ITGA1: variants seen among roughly 807,000 people sequenced by gnomAD.
The protein encoded by ITGA1 is integrin subunit alpha 1, also known as integrin alpha-1.
ITGA1 carries 85 observed loss-of-function variants against 145.9 expected under a neutral mutation model. The ratio of observed to expected loss-of-function variants is 0.58; its 90% confidence interval spans 0.49 to 0.70. The LOEUF (loss-of-function observed/expected upper bound fraction) is 0.70. ITGA1 is among the 30% of genes least tolerant of loss of function. ITGA1 has a pLI of 0.00. For missense variants in ITGA1, 1,351 were observed against 1,418.7 expected (o/e 0.95, Z 0.77); for synonymous variants, 520 against 495.3 (o/e 1.05, Z -0.66).
At chr5:52,801,778 C>CTCCG in intron 1 of ITGA1, 1 of 1,613,986 alleles carries the variant, frequency 6.2e-7, no homozygotes, top group South Asian at 1.1e-5. Flanking sequence ...AGCTGCCATT[C>CTCCG]TCCGCTTCCC....
At position 52,861,570 on chromosome 5, in the gene ITGA1, T is replaced by C. The variant is rs1271020313; in HGVS notation, c.295+11T>C. 6.4e-7 allele frequency: 1 copy of C among 1,574,390 alleles called. No homozygotes were observed. The highest frequency in any genetic ancestry group is 1.4e-5 in the African/African-American group (1 of 73,974). ...AGTTGGATCTACCAGGTATGTAAAA[T>C]TAAAAAAATCTGGTTTTAGGCCAGG... is the stretch of plus-strand genomic sequence containing the variant. On this transcript the variant is annotated intron_variant, in intron 3 of 28. Coordinates refer to ENST00000282588, the MANE Select transcript of ITGA1 (RefSeq NM_181501.2).
In ITGA1 at chr5:52,925,578, T is replaced by C. The variant is rs1401252338; in HGVS notation, c.2613+91T>C. On this transcript the variant is annotated intron_variant, in intron 19 of 28. Transcript: ENST00000282588. ...ACTGAGATAATTGCTTTTATTAGAT[T>C]GATTTTGAAAGAATAGAAGGAATTT... 34 of 965,948 alleles carry C rather than the reference T, an allele frequency of 3.5e-5. No homozygotes were observed. The South Asian group carries it at 4.7e-4, about 13-fold the overall frequency. The allele number at this position is 965,948 out of a possible 1,614,324, so 59.8% of individuals were successfully genotyped here.
Position 52,910,430 on chromosome 5 carries a change from A to G in ITGA1, c.1857+11A>G. The G allele has an allele frequency of 6.2e-7, 1 of 1,606,626 alleles. No homozygotes were observed. The highest frequency in any genetic ancestry group is 8.5e-7 in the Non-Finnish European group (1 of 1,173,900). On this transcript the variant is annotated intron_variant, in intron 14 of 28. Coordinates refer to ENST00000282588, the MANE Select transcript of ITGA1 (RefSeq NM_181501.2). ...AAAGAGTATGCACAAGTAAGAATTGAAACCTACAGATTCCCACCCTTCAGT... is the reference window on the plus strand; with the variant it reads ...AAAGAGTATGCACAAGTAAGAATTGGAACCTACAGATTCCCACCCTTCAGT...
intron 22 of ITGA1, chr5:52,932,694 C>T (rs1750910333): frequency 6.6e-6 from 1 of 152,150 alleles, no homozygotes; most frequent in Admixed American, 6.6e-5. Context: ...AAGCAGAACT[C>T]CAAGCTTTTG....
In ITGA1 at chr5:52,945,310, T is replaced by C. The variant is rs1017118363; in HGVS notation, c.3378+275T>C. 1.7e-4 allele frequency among the ~76,000 whole-genome samples: 26 copies of C among 152,212 alleles called. 1 individual carries two copies. Among genetic ancestry groups the C allele is most frequent in the Admixed American group, 1.5e-3 (23 of 15,278 alleles). ...TATCACGGTAAATGGATGTTTTTAC[T>C]TTCACTTTGATAACAAATGATGCAG... On this transcript the variant is annotated intron_variant, in intron 27 of 28. Transcript: ENST00000282588.
At chr5:52,807,359 A>C (rs1227397339) in intron 1 of ITGA1, among the ~76,000 whole-genome samples, 2 of 152,136 alleles carry the variant, frequency 1.3e-5, no homozygotes, top group Admixed American at 1.3e-4. Flanking sequence ...TTTAAAATGC[A>C]TTAGTCTTTC....
At chr5:52,952,339 C>G in intron 28 of ITGA1, 68 bp from the exon 29 acceptor site, 1 of 795,790 alleles carries the variant, frequency 1.3e-6, no homozygotes, top group Non-Finnish European at 1.9e-6. Context: ...TAATTCTATC[C>G]AAAGGATTAA....
At chr5:52,821,992 A>G (rs1748887020) in intron 1 of ITGA1, among the ~76,000 whole-genome samples, 1 of 152,224 alleles carries the variant, frequency 6.6e-6, no homozygotes, top group African/African-American at 2.4e-5. Flanking sequence ...ATATCACATT[A>G]TAATAGAAAT....
At chr5:52,809,008 C>G (rs1455338072) in intron 1 of ITGA1, among the ~76,000 whole-genome samples, 11 of 152,128 alleles carry the variant, frequency 7.2e-5, no homozygotes, top group African/African-American at 2.4e-4. Context: ...GCCTTAAACC[C>G]TCCTTATTTA....
intron 1 of ITGA1, among the ~76,000 whole-genome samples, chr5:52,812,275 T>C (rs1436075652): frequency 6.6e-6 from 1 of 152,192 alleles, no homozygotes; most frequent in Non-Finnish European, 1.5e-5. Context: ...TTTGTGAATA[T>C]TTATTGATGC....
chr5:52,915,454 A>G lies in ITGA1; in HGVS notation c.1858-10A>G. The G allele has an allele frequency of 6.2e-7, 1 of 1,603,456 alleles. No individual in the cohort carries two copies. Among genetic ancestry groups the G allele is most frequent in the Non-Finnish European group, 8.5e-7 (1 of 1,177,092 alleles). On this transcript the variant is annotated splice_polypyrimidine_tract_variant and intron_variant, in intron 14 of 28. Transcript: ENST00000282588. ...TCTCATATGAAACTCTTTTTTTTGGATTCTCACAGCGTATTCCATCAGGTG... is the reference window on the plus strand; with the variant it reads ...TCTCATATGAAACTCTTTTTTTTGGGTTCTCACAGCGTATTCCATCAGGTG...
chr5:52,893,831 G>T lies in ITGA1; in HGVS notation c.1081G>T (p.Ala361Ser), dbSNP rs1204306400. Reference sequence around the variant, plus strand: ...TAAAACTCTGGGAGAAAGAATATTTGCCCTGGAAGGTATGTCTATTTATCT... The same window carrying T: ...TAAAACTCTGGGAGAAAGAATATTTTCCCTGGAAGGTATGTCTATTTATCT... Reference protein sequence around the residue: ...IVKTLGERIFALEATADQSAA... With the variant: ...IVKTLGERIFSLEATADQSAA... The change falls in exon 9 of 29, where the codon GCC becomes TCC. Residue 361 changes from alanine to serine, a missense_variant. Ala to Ser is a moderately conservative substitution (Grantham distance 99). Transcript: ENST00000282588. The T allele has an allele frequency of 6.2e-7, 1 of 1,609,036 alleles. No individual in the cohort carries two copies. The highest frequency in any genetic ancestry group is 2.2e-5 in the East Asian group (1 of 44,708).
intron 6 of ITGA1, among the ~76,000 whole-genome samples, chr5:52,876,704 G>T (rs554033588): frequency 6.6e-6 from 1 of 152,254 alleles, no homozygotes; most frequent in East Asian, 1.9e-4. Flanking sequence ...CAAAAGCCAT[G>T]ACATAGTCCA....
chr5:52,857,728 TCTCA>T (rs1749539089), intron 2 of ITGA1, among the ~76,000 whole-genome samples: 1 of 152,202 alleles, frequency 6.6e-6, no homozygotes, highest in African/African-American at 2.4e-5. Context: ...TTAGTGCTCT[TCTCA>T]CTATATTTCG....
rs559384111 is a variant in ITGA1, at chr5:52,922,988, C to T, written c.2403+101C>T. ...ACTACTCTGCATTGATCACAAAGAA[C>T]GAACAACTAACTGGAAGAAAGAAAA... On this transcript the variant is annotated intron_variant, in intron 18 of 28. Coordinates refer to ENST00000282588, the MANE Select transcript of ITGA1 (RefSeq NM_181501.2). The T allele has an allele frequency of 1.8e-4, 117 of 651,000 alleles. 1 individual carries two copies. The African/African-American group carries it at 2.0e-3, about 11-fold the overall frequency. The allele number at this position is 651,000 out of a possible 1,614,324, so 40.3% of individuals were successfully genotyped here. A position where few individuals can be genotyped will look rare whatever the true frequency, so the allele number is the denominator to read the frequency against.
intron 2 of ITGA1, among the ~76,000 whole-genome samples, chr5:52,855,639 T>G (rs1010173935): frequency 6.6e-6 from 1 of 152,122 alleles, no homozygotes; most frequent in Non-Finnish European, 1.5e-5. Flanking sequence ...AATGCCAGAA[T>G]AGGATCAGTG....
chr5:52,909,619 C>G (rs1241298368), intron 13 of ITGA1, among the ~76,000 whole-genome samples: 1 of 152,084 alleles, frequency 6.6e-6, no homozygotes, highest in East Asian at 1.9e-4. Flanking sequence ...ACATTCTCTC[C>G]TAAATTGATT....
At chr5:52,926,946 T>A (rs1196755771) in intron 19 of ITGA1, among the ~76,000 whole-genome samples, 1 of 152,238 alleles carries the variant, frequency 6.6e-6, no homozygotes, top group Admixed American at 6.5e-5. Flanking sequence ...TTTTCATGTT[T>A]CAACATTCTT....
At chr5:52,848,671 G>A (rs1749375941) in intron 1 of ITGA1, among the ~76,000 whole-genome samples, 1 of 151,934 alleles carries the variant, frequency 6.6e-6, no homozygotes, top group South Asian at 2.1e-4. Flanking sequence ...TTGGTGTGCG[G>A]CACCCATTAA....
Sources: allele counts gnomAD v4.1 joint callset (sites outside exome capture counted in the v4.1 genomes callset), GRCh38; gene constraint gnomAD v4.1.1; transcripts MANE v1.5; gene names NCBI Gene and HGNC (gene_info 2026-07-23, HGNC 2026-07-21).